The following DNAJC11 variants were observed in gnomAD, a reference collection of about 807,000 sequenced individuals.
The protein encoded by DNAJC11 is DnaJ heat shock protein family (Hsp40) member C11.
DNAJC11 carries 15 observed loss-of-function variants against 78.6 expected under a neutral mutation model. The observed-to-expected ratio is 0.19, with a 90% CI of 0.13 to 0.29. DNAJC11 has a LOEUF of 0.29. DNAJC11 is among the 10% of genes least tolerant of loss of function. DNAJC11 has a pLI of 1.00. For missense variants in DNAJC11, 547 were observed against 709.6 expected (o/e 0.77, Z 2.60); for synonymous variants, 292 against 272.1 (o/e 1.07, Z -0.72).
intron 7 of DNAJC11, among the ~76,000 whole-genome samples, chr1:6,647,557 C>T (rs190999743): frequency 1.6e-4 from 25 of 152,044 alleles, no homozygotes; most frequent in Admixed American, 4.6e-4. Context: ...CGGTGGCTCA[C>T]GCCTGTAATC....
At chr1:6,637,423 C>T (rs1641798442) in intron 13 of DNAJC11, 24 bp downstream of exon 13, 2 of 1,614,220 alleles carry the variant, frequency 1.2e-6, no homozygotes, top group South Asian at 2.2e-5. Flanking sequence ...CCACCCTGGA[C>T]CAAGAGAGGA....
At chr1:6,694,737 G>A (rs944186500) in intron 1 of DNAJC11, among the ~76,000 whole-genome samples, 3 of 151,162 alleles carry the variant, frequency 2.0e-5, no homozygotes, top group Non-Finnish European at 3.0e-5. Flanking sequence ...AGGCTGAGGC[G>A]GGCGGATCAC....
At chr1:6,662,121 G>GTTTTT (rs1185007632) in intron 4 of DNAJC11, among the ~76,000 whole-genome samples, 10 of 48,186 alleles carry the variant, frequency 2.1e-4, no homozygotes, top group East Asian at 6.3e-4. Flanking sequence ...CCAGTTAATT[G>GTTTTT]TTTTTTGTTT....
intron 3 of DNAJC11, among the ~76,000 whole-genome samples, chr1:6,671,741 C>G (rs1642383810): frequency 6.6e-6 from 1 of 151,552 alleles, no homozygotes; most frequent in African/African-American, 2.4e-5. Flanking sequence ...ACAGTATTAG[C>G]CAGGATGGTC....
chr1:6,635,004 AG>A lies in DNAJC11; in HGVS notation c.*670del. 1.8e-6 allele frequency: 1 copy of A among 560,292 alleles called. No individual in the cohort carries two copies. The highest frequency in any genetic ancestry group is 2.6e-6 in the Non-Finnish European group (1 of 381,668). 34.7% of individuals were successfully genotyped at this position (560,292 alleles called of 1,614,324 possible). A position where few individuals can be genotyped will look rare whatever the true frequency, so the allele number is the denominator to read the frequency against. Reference sequence around the variant, plus strand: ...ACGGGAAGCCACCTGTGTCAGGGCTAGGCCCTGGGATCGGGAGTTACACTAC... The same window carrying A: ...ACGGGAAGCCACCTGTGTCAGGGCTAGCCCTGGGATCGGGAGTTACACTAC... On this transcript the variant is annotated 3_prime_UTR_variant, in exon 16 of 16. Transcript: ENST00000377577.
intron 3 of DNAJC11, among the ~76,000 whole-genome samples, chr1:6,677,886 G>A (rs756978272): frequency 2.0e-5 from 3 of 152,130 alleles, no homozygotes; most frequent in Non-Finnish European, 2.9e-5. Flanking sequence ...AGAATTGAAA[G>A]GGTCATTACA....
intron 1 of DNAJC11, among the ~76,000 whole-genome samples, chr1:6,692,856 C>T (rs1300557581): frequency 6.6e-6 from 1 of 152,092 alleles, no homozygotes; most frequent in Non-Finnish European, 1.5e-5. Context: ...GGTGATCTGC[C>T]CGCCTCAGCC....
chr1:6,637,630 G>A, intron 12 of DNAJC11, 126 bp from the exon 13 acceptor site: 2 of 1,065,836 alleles, frequency 1.9e-6, no homozygotes, highest in Non-Finnish European at 2.8e-6. Context: ...AAGGAAGGGA[G>A]TGGGCACCCT....
intron 4 of DNAJC11, among the ~76,000 whole-genome samples, chr1:6,658,822 TACTC>T (rs1642167959): frequency 6.6e-6 from 1 of 152,118 alleles, no homozygotes; most frequent in Non-Finnish European, 1.5e-5. Flanking sequence ...ATGACATCAA[TACTC>T]ACAGGCCAAC....
intron 4 of DNAJC11, among the ~76,000 whole-genome samples, chr1:6,657,817 T>C (rs1435645573): frequency 1.1e-4 from 17 of 152,152 alleles, no homozygotes; most frequent in Admixed American, 1.1e-3. Context: ...GCTAATTTTT[T>C]TGTATTTTTA....
rs1341530241 is a variant in DNAJC11 at position 6,636,207 on chromosome 1, C to T, written c.1564G>A (p.Glu522Lys). 3 of 1,614,074 alleles carry T rather than the reference C, an allele frequency of 1.9e-6. No homozygotes were observed. The East Asian group carries it at 6.7e-5, about 36-fold the overall frequency. ...TGATAGAGCACTTTCAGGTTCTTCT[C>T]TTCCCCCACACACGGGTCATAAAAG... Reference protein sequence around the residue: ...PGFYDPCVGEEKNLKVLYQFR... With the variant: ...PGFYDPCVGEKKNLKVLYQFR... The change falls in exon 15 of 16, where the codon GAG becomes AAG. Residue 522 changes from glutamate (E) to lysine (K), a missense_variant. Physicochemically the swap from Glu to Lys is moderately conservative, Grantham distance 56. Transcript: ENST00000377577.
At chr1:6,691,600 T>C (rs547133292) in intron 1 of DNAJC11, among the ~76,000 whole-genome samples, 31 of 152,342 alleles carry the variant, frequency 2.0e-4, no homozygotes, top group Admixed American at 7.2e-4. Context: ...ATACCCTGCC[T>C]ACTCATGCAG....
intron 10 of DNAJC11, among the ~76,000 whole-genome samples, chr1:6,640,569 C>T (rs773655996): frequency 3.3e-5 from 5 of 152,106 alleles, no homozygotes; most frequent in Non-Finnish European, 1.5e-5. Flanking sequence ...TGGTGGCTCA[C>T]GCCTGTAATC....
chr1:6,695,268 T>C (rs921422470), intron 1 of DNAJC11, among the ~76,000 whole-genome samples: 7 of 152,168 alleles, frequency 4.6e-5, no homozygotes, highest in African/African-American at 1.7e-4. Flanking sequence ...CCTAAGGTGC[T>C]GGAATTACAG....
In DNAJC11 at chr1:6,653,613, C is replaced by T. The variant is rs1642086802; in HGVS notation, c.507+298G>A. On this transcript the variant is annotated intron_variant, in intron 5 of 15. Coordinates refer to ENST00000377577, the MANE Select transcript of DNAJC11 (RefSeq NM_018198.4). This position sits in a 1 kb window ranked among gnomAD's most constrained non-coding sequence, Gnocchi z 4.5. ...TGATCCATGGAGGTCTGCTTTCTCT[C>T]CCAGAACCCCATGACCTTGGGCCTC... Among the ~76,000 whole-genome samples the T allele has an allele frequency of 6.6e-6, 1 of 152,114 alleles. No individual in the cohort carries two copies. Among genetic ancestry groups the T allele is most frequent in the African/African-American group, 2.4e-5 (1 of 41,386 alleles).
chr1:6,646,105 T>TAAA, intron 7 of DNAJC11, 127 bp from the exon 8 acceptor site: 3 of 741,556 alleles, frequency 4.0e-6, no homozygotes, highest in Non-Finnish European at 6.0e-6. Context: ...CAGCTCCCAG[T>TAAA]AAAAAAAAAA....
At chr1:6,636,889 C>A (rs1210468572) in intron 14 of DNAJC11, among the ~76,000 whole-genome samples, 2 of 152,176 alleles carry the variant, frequency 1.3e-5, no homozygotes, top group Non-Finnish European at 2.9e-5. Flanking sequence ...TGCTCTGTCA[C>A]CCAGGCTGGA....
chr1:6,662,443 C>T (rs1333106094), intron 4 of DNAJC11, among the ~76,000 whole-genome samples: 1 of 152,134 alleles, frequency 6.6e-6, no homozygotes, highest in Non-Finnish European at 1.5e-5. Context: ...ATCCACCCAC[C>T]TCAGCCTCCC....
intron 1 of DNAJC11, among the ~76,000 whole-genome samples, chr1:6,689,506 G>C (rs79362030): frequency 0.067 from 10,154 of 152,182 alleles, 458 homozygotes; most frequent in Non-Finnish European, 0.099. Context: ...TGAAGCAAGA[G>C]ACTTAAAAAG....
Sources: gnomAD v4.1 joint callset for allele counts (sites outside exome capture counted in the v4.1 genomes callset) on GRCh38, gnomAD v4.1.1 for gene constraint, Gnocchi (gnomAD v3.1) non-coding constraint, MANE v1.5 for transcripts, NCBI Gene and HGNC (gene_info 2026-07-23, HGNC 2026-07-21) for gene names.